Variants in ADGRV1 observed in about 807,000 individuals in gnomAD.
The protein encoded by ADGRV1 is G-protein coupled receptor 98.
ADGRV1 carries 359 observed loss-of-function variants against 596.2 expected under a neutral mutation model. That is an observed-to-expected ratio of 0.60 (90% CI 0.55 to 0.66). The LOEUF (loss-of-function observed/expected upper bound fraction) is 0.66, where lower values mean the gene tolerates loss of function less well. ADGRV1 is among the 30% of genes least tolerant of loss of function. The pLI is 0.00. For missense variants in ADGRV1, 7,274 were observed against 7,575.6 expected, an observed-to-expected ratio of 0.96 and a Z score of 1.48; for synonymous variants, 2,681 against 2,679.2, an observed-to-expected ratio of 1.00 and a Z score of -0.02.
chr5:91,126,483 G>C (rs1292977745), intron 87 of ADGRV1, among the ~76,000 whole-genome samples: 1 of 152,180 alleles, frequency 6.6e-6, no homozygotes, highest in East Asian at 1.9e-4. Flanking sequence ...TACATGCTTT[G>C]CCTCAAATAA....
chr5:90,912,830 G>A (rs1208806950), intron 83 of ADGRV1, among the ~76,000 whole-genome samples: 2 of 152,094 alleles, frequency 1.3e-5, no homozygotes, highest in East Asian at 3.9e-4. Flanking sequence ...TGACAGGCAC[G>A]TAGGTTGATT....
In ADGRV1 at chr5:90,627,731, T is replaced by C; in HGVS notation, c.1193T>C (p.Val398Ala). The C allele has an allele frequency of 6.3e-7, 1 of 1,591,418 alleles. No individual in the cohort carries two copies. Among genetic ancestry groups the C allele is most frequent in the Non-Finnish European group, 8.6e-7 (1 of 1,168,766 alleles). The change falls in exon 7 of 90, where the codon GTT becomes GCT. Residue 398 changes from valine (V) to alanine (A), a missense_variant. Physicochemically the swap from Val to Ala is moderately conservative, Grantham distance 64. Around this residue, in one of 5 missense-constraint regions of ADGRV1, gnomAD observed 1,715 missense variants for 1,708.8 expected, o/e 1.00. Coordinates refer to ENST00000405460, the MANE Select transcript of ADGRV1 (RefSeq NM_032119.4). Reference sequence around the variant, plus strand: ...TATGGAGTCCTTTCATTCAACAGTGTTTTGTTTGAAAGGACAGTTATAATT... The same window carrying C: ...TATGGAGTCCTTTCATTCAACAGTGCTTTGTTTGAAAGGACAGTTATAATT... Reference protein sequence around the residue: ...KPYGVLSFNSVLFERTVIIDE... With the variant: ...KPYGVLSFNSALFERTVIIDE...
Position 90,725,484 on chromosome 5 carries a change from G to A in ADGRV1, c.10054-65G>A, listed in dbSNP as rs1751649098. On this transcript the variant is annotated intron_variant, in intron 47 of 89. Transcript: ENST00000405460. ...CTTCAGATTTTAACTCATGCTATTA[G>A]TGTGTTCAGTGGCTTTCTTAGTTCA... 3 of 885,684 alleles carry A rather than the reference G, an allele frequency of 3.4e-6. No homozygotes were observed. The South Asian group carries it at 4.3e-5, about 13-fold the overall frequency. 54.9% of individuals were successfully genotyped at this position (885,684 alleles called of 1,614,324 possible).
intron 4 of ADGRV1, among the ~76,000 whole-genome samples, chr5:90,620,414 T>C (rs1266498895): frequency 1.3e-5 from 2 of 152,252 alleles, no homozygotes; most frequent in Non-Finnish European, 2.9e-5. Flanking sequence ...GAGAAGTGTC[T>C]GTTCATATCC....
intron 83 of ADGRV1, among the ~76,000 whole-genome samples, chr5:90,948,653 C>A (rs925059787): frequency 6.6e-6 from 1 of 152,056 alleles, no homozygotes; most frequent in Admixed American, 6.6e-5. Context: ...ATTAAATATA[C>A]CTTACCTGTC....
chr5:90,985,851 T>C (rs980847099), intron 85 of ADGRV1, among the ~76,000 whole-genome samples: 4 of 151,814 alleles, frequency 2.6e-5, no homozygotes, highest in Admixed American at 2.0e-4. Context: ...GTGAAAACAG[T>C]TGGAGTGTGG....
At chr5:90,897,579 GC>G (rs1172456148) in intron 83 of ADGRV1, among the ~76,000 whole-genome samples, 4 of 151,942 alleles carry the variant, frequency 2.6e-5, no homozygotes, top group African/African-American at 7.3e-5. Context: ...TCCTTTTTGT[GC>G]CCCCAAGGTA....
intron 21 of ADGRV1, among the ~76,000 whole-genome samples, chr5:90,660,580 A>G (rs1047730659): frequency 5.4e-4 from 82 of 152,276 alleles, no homozygotes; most frequent in African/African-American, 1.5e-3. Flanking sequence ...GACCCTATAA[A>G]GACTCTGGGC....
intron 34 of ADGRV1, among the ~76,000 whole-genome samples, chr5:90,702,637 G>T (rs10514333): frequency 0.64 from 97,482 of 151,604 alleles, 32,064 homozygotes; most frequent in East Asian, 0.8. Flanking sequence ...AGTGTTTAAA[G>T]TTTATTGCTT....
chr5:90,565,003 G>A (rs1755446821), intron 1 of ADGRV1, among the ~76,000 whole-genome samples: 1 of 152,080 alleles, frequency 6.6e-6, no homozygotes, highest in South Asian at 2.1e-4. Context: ...GAAAGGCCAA[G>A]GTGGGCGGGT....
At chr5:90,914,342 G>C (rs1051931691) in intron 83 of ADGRV1, among the ~76,000 whole-genome samples, 10 of 152,064 alleles carry the variant, frequency 6.6e-5, no homozygotes, top group Admixed American at 3.9e-4. Flanking sequence ...TATTCCAGAC[G>C]CTGTGCTAAA....
chr5:91,012,201 A>T (rs1782777013), intron 85 of ADGRV1, among the ~76,000 whole-genome samples: 1 of 151,822 alleles, frequency 6.6e-6, no homozygotes, highest in South Asian at 2.1e-4. Context: ...ACAAAATTTG[A>T]TTTCCCTTAA....
At chr5:91,010,361 G>C (rs895846036) in intron 85 of ADGRV1, among the ~76,000 whole-genome samples, 3 of 152,032 alleles carry the variant, frequency 2.0e-5, no homozygotes, top group Admixed American at 6.6e-5. Context: ...ATACACAAAG[G>C]CTATGTTAAA....
intron 50 of ADGRV1, among the ~76,000 whole-genome samples, chr5:90,740,070 C>G (rs62373963): frequency 0.074 from 11,215 of 152,268 alleles, 528 homozygotes; most frequent in East Asian, 0.15. Context: ...CTTTTAACTT[C>G]TAGCTTGGAG....
Position 90,783,136 on chromosome 5 carries a change from T to C in ADGRV1, c.13244T>C (p.Val4415Ala). 6.2e-7 allele frequency: 1 copy of C among 1,613,414 alleles called. No homozygotes were observed. The highest frequency in any genetic ancestry group is 8.5e-7 in the Non-Finnish European group (1 of 1,179,462). Residue 4415 changes from valine to alanine, a missense_variant, in exon 66 of 90, where the codon GTT becomes GCT. Coordinates refer to ENST00000405460, the MANE Select transcript of ADGRV1 (RefSeq NM_032119.4). ...KYTAFEVEED[V>A]GLIMIPVVRL... ...GTTCCCATTACAGTGGAGGAAGATG[T>C]TGGGCTGATCATGATCCCAGTGGTG...
At chr5:91,145,088 T>C (rs1795419641) in intron 87 of ADGRV1, among the ~76,000 whole-genome samples, 1 of 152,242 alleles carries the variant, frequency 6.6e-6, no homozygotes, top group Admixed American at 6.5e-5. Flanking sequence ...CAGGCAAATG[T>C]CATACAATCT....
rs552783021 is a variant in ADGRV1 at position 90,629,265 on chromosome 5, C to G, written c.1565C>G (p.Pro522Arg). Residue 522 changes from proline (P) to arginine (R), a missense_variant, in exon 9 of 90, where the codon CCT becomes CGT. Pro to Arg is a moderately radical substitution (Grantham distance 103). Coordinates refer to ENST00000405460, the MANE Select transcript of ADGRV1 (RefSeq NM_032119.4). ...GTCTATGGCCTAATAACATTTTTTC[C>G]TATGGAAAACCAGAAGATTGAAAGC... Reference protein sequence around the residue: ...DDVYGLITFFPMENQKIESSP... With the variant: ...DDVYGLITFFRMENQKIESSP... 41 of 1,610,008 alleles carry G rather than the reference C, an allele frequency of 2.5e-5. No individual in the cohort carries two copies. In the South Asian group the frequency reaches 4.1e-4, roughly 16 times the overall value.
chr5:90,643,847 G>A lies in ADGRV1; in HGVS notation c.2598G>A (p.Arg866=). ...YWVVLSSHGE[R]ESKLGSATIV... The stretch of plus-strand genomic sequence containing the variant: ...TGGTCCTCAGCAGCCACGGAGAACG[G>A]GAAAGCAAGTTGGGAAGTGCCACCA... The change falls in exon 14 of 90, where the codon CGG becomes CGA. Residue 866 remains arginine (R), a synonymous_variant. Transcript: ENST00000405460. The A allele has an allele frequency of 6.2e-7, 1 of 1,610,910 alleles. No homozygotes were observed.
intron 59 of ADGRV1, 42 bp downstream of exon 59, chr5:90,763,511 G>C: frequency 6.4e-7 from 1 of 1,559,508 alleles, no homozygotes; most frequent in Non-Finnish European, 8.8e-7. Flanking sequence ...TCCCCAATTT[G>C]TCTTTGATTT....
Sources: allele counts gnomAD v4.1 joint callset (sites outside exome capture counted in the v4.1 genomes callset), GRCh38; gene constraint gnomAD v4.1.1; regional missense constraint gnomAD v4.1.1; transcripts MANE v1.5; gene names NCBI Gene and HGNC (gene_info 2026-07-23, HGNC 2026-07-21).